The following R3HDM1 variants were observed in gnomAD, a reference collection of about 807,000 sequenced individuals.
R3HDM1 encodes the protein R3H domain containing 1.
In R3HDM1, 46 loss-of-function variants were observed where a neutral mutation model predicts 141.1. The ratio of observed to expected loss-of-function variants is 0.33; its 90% confidence interval spans 0.26 to 0.42. The LOEUF (loss-of-function observed/expected upper bound fraction) is 0.42. Ranked by LOEUF, R3HDM1 falls within the 10% of genes least tolerant of loss-of-function variation. The pLI is 1.00. For missense variants in R3HDM1, 1,184 were observed against 1,368.3 expected (o/e 0.87, Z 2.12); for synonymous variants, 435 against 472.9 (o/e 0.92, Z 1.04).
intron 1 of R3HDM1, among the ~76,000 whole-genome samples, chr2:135,540,619 C>T (rs774949884): frequency 2.0e-5 from 3 of 152,084 alleles, no homozygotes; most frequent in Non-Finnish European, 2.9e-5. Context: ...GGGTCTTGCT[C>T]GTAGCCCAGG....
chr2:135,533,124 T>C (rs1340067107), intron 1 of R3HDM1, among the ~76,000 whole-genome samples: 2 of 152,190 alleles, frequency 1.3e-5, no homozygotes, highest in Admixed American at 1.3e-4. Flanking sequence ...ATTCAGGTCC[T>C]GGAGGAAATT....
intron 19 of R3HDM1, among the ~76,000 whole-genome samples, chr2:135,661,913 A>G (rs2066771551): frequency 6.6e-6 from 1 of 152,228 alleles, no homozygotes; most frequent in South Asian, 2.1e-4. Flanking sequence ...AGTGAAAAGT[A>G]TTTTTAAACC....
intron 15 of R3HDM1, among the ~76,000 whole-genome samples, chr2:135,644,460 G>A (rs370352640): frequency 3.3e-5 from 5 of 152,052 alleles, no homozygotes; most frequent in Non-Finnish European, 7.4e-5. Flanking sequence ...AGCTGAGATC[G>A]CACCACTGCA....
chr2:135,684,336 A>G (rs560905271), intron 21 of R3HDM1, among the ~76,000 whole-genome samples: 135 of 152,214 alleles, frequency 8.9e-4, no homozygotes, highest in African/African-American at 3.1e-3. Context: ...TGATCCGCCC[A>G]CCGTGGCCTC....
chr2:135,686,801 C>T (rs535707993), intron 21 of R3HDM1, among the ~76,000 whole-genome samples: 1 of 152,296 alleles, frequency 6.6e-6, no homozygotes, highest in South Asian at 2.1e-4. Flanking sequence ...AGATGGAAAT[C>T]CTGCCATATG....
intron 21 of R3HDM1, among the ~76,000 whole-genome samples, chr2:135,706,561 T>C (rs1007305047): frequency 1.3e-5 from 2 of 152,024 alleles, no homozygotes; most frequent in African/African-American, 4.8e-5. Flanking sequence ...TACTTGAGAT[T>C]AGGGAGTGGT....
chr2:135,661,127 T>G, intron 18 of R3HDM1, 143 bp from the exon 19 acceptor site: 1 of 1,078,760 alleles, frequency 9.3e-7, no homozygotes, highest in Non-Finnish European at 1.3e-6. Flanking sequence ...TTTTTTTAAA[T>G]TTCAGTTAAA....
At chr2:135,691,885 CAATAT>C (rs1429758425) in intron 21 of R3HDM1, among the ~76,000 whole-genome samples, 1 of 151,900 alleles carries the variant, frequency 6.6e-6, no homozygotes, top group Non-Finnish European at 1.5e-5. Context: ...CACTATACAC[CAATAT>C]AATCACTAGA....
intron 5 of R3HDM1, among the ~76,000 whole-genome samples, chr2:135,621,136 T>C (rs1022768591): frequency 8.5e-5 from 13 of 152,168 alleles, no homozygotes; most frequent in African/African-American, 3.1e-4. Flanking sequence ...ATGATAATTA[T>C]GCTCTTGCTT....
At chr2:135,611,897 C>A (rs894566926) in intron 3 of R3HDM1, among the ~76,000 whole-genome samples, 2 of 152,106 alleles carry the variant, frequency 1.3e-5, no homozygotes, top group Non-Finnish European at 2.9e-5. Context: ...GTTTGTACTT[C>A]TTTGGATAAT....
At chr2:135,569,989 G>A (rs748461182) in intron 1 of R3HDM1, among the ~76,000 whole-genome samples, 3 of 152,108 alleles carry the variant, frequency 2.0e-5, no homozygotes, top group Non-Finnish European at 4.4e-5. Context: ...GCCTCCCAAA[G>A]TGCTGGGATT....
intron 20 of R3HDM1, 29 bp from the exon 21 acceptor site, chr2:135,680,144 T>C: frequency 6.2e-7 from 1 of 1,603,170 alleles, no homozygotes; most frequent in Non-Finnish European, 8.5e-7. Context: ...AAAAACCTTT[T>C]TCTCTTGAAA....
chr2:135,546,159 C>T (rs1698656110), intron 1 of R3HDM1, among the ~76,000 whole-genome samples: 1 of 152,176 alleles, frequency 6.6e-6, no homozygotes, highest in East Asian at 1.9e-4. Flanking sequence ...TGTTTGTCTC[C>T]ACATTGTATT....
chr2:135,609,651 G>A (rs772949444), intron 3 of R3HDM1, among the ~76,000 whole-genome samples: 12 of 152,206 alleles, frequency 7.9e-5, no homozygotes, highest in Non-Finnish European at 1.2e-4. Context: ...GGGTTAATTG[G>A]ATGGTGGGGA....
chr2:135,680,248 A>G lies in R3HDM1; in HGVS notation c.2383A>G (p.Asn795Asp), dbSNP rs761188118. 1 of 1,613,688 alleles carries G rather than the reference A, an allele frequency of 6.2e-7. No individual in the cohort carries two copies. Among genetic ancestry groups the G allele is most frequent in the South Asian group, 1.1e-5 (1 of 91,068 alleles). The change falls in exon 21 of 27, where the codon AAT (asparagine) becomes GAT (aspartate). Residue 795 changes from asparagine to aspartate, a missense_variant. Transcript: ENST00000683871. ...GCCTGTTATGTTCCCTAATCAGTCTAATCAAGGATCTATGCCCACAACAGG... is the reference window on the plus strand; with the variant it reads ...GCCTGTTATGTTCCCTAATCAGTCTGATCAAGGATCTATGCCCACAACAGG... ...QQPVMFPNQS[N>D]QGSMPTTGMP...
intron 1 of R3HDM1, among the ~76,000 whole-genome samples, chr2:135,556,255 G>T (rs1700742972): frequency 6.6e-6 from 1 of 152,124 alleles, no homozygotes; most frequent in Non-Finnish European, 1.5e-5. Context: ...GAGCAGTGGG[G>T]TTGTTTTTTG....
chr2:135,568,765 T>C (rs953809837), intron 1 of R3HDM1: 1 of 152,222 alleles, frequency 6.6e-6, no homozygotes, highest in Non-Finnish European at 1.5e-5. Flanking sequence ...TAGGGCGTAT[T>C]GGTGACCTCT....
intron 11 of R3HDM1, among the ~76,000 whole-genome samples, chr2:135,637,397 G>A (rs1043962257): frequency 1.3e-5 from 2 of 152,148 alleles, no homozygotes; most frequent in African/African-American, 4.8e-5. Flanking sequence ...ACTCACACCT[G>A]TAATCCCACC....
At chr2:135,653,903 G>A (rs540695825) in intron 18 of R3HDM1, among the ~76,000 whole-genome samples, 13 of 152,286 alleles carry the variant, frequency 8.5e-5, no homozygotes, top group East Asian at 5.8e-4. Flanking sequence ...ATATTTTAGC[G>A]TTATGTGGTT....
Sources: allele counts gnomAD v4.1 joint callset (sites outside exome capture counted in the v4.1 genomes callset), GRCh38; gene constraint gnomAD v4.1.1; transcripts MANE v1.5; gene names NCBI Gene and HGNC (gene_info 2026-07-23, HGNC 2026-07-21).